The following PIP5K1B variants were observed in gnomAD, a reference collection of about 807,000 sequenced individuals.
The protein encoded by PIP5K1B is phosphatidylinositol-4-phosphate 5-kinase type 1 beta.
A neutral mutation model predicts 67.0 loss-of-function variants in PIP5K1B; 42 were observed. That is an observed-to-expected ratio of 0.63 (90% CI 0.49 to 0.81). PIP5K1B has a LOEUF of 0.81. Ranked by LOEUF, PIP5K1B falls within the 30% of genes least tolerant of loss-of-function variation. PIP5K1B has a pLI of 0.00. For synonymous variants in PIP5K1B, 214 were observed against 231.4 expected (o/e 0.92, Z 0.68); for missense variants, 459 against 646.3 (o/e 0.71, Z 3.14).
intron 4 of PIP5K1B, among the ~76,000 whole-genome samples, chr9:68,823,861 A>G (rs1009901041): frequency 1.3e-5 from 2 of 152,098 alleles, no homozygotes; most frequent in Non-Finnish European, 2.9e-5. Flanking sequence ...AGCATGATGT[A>G]TTTTCTATTC....
chr9:68,973,991 C>T (rs1444289779), intron 14 of PIP5K1B, among the ~76,000 whole-genome samples: 1 of 152,190 alleles, frequency 6.6e-6, no homozygotes, highest in Non-Finnish European at 1.5e-5. Flanking sequence ...GATCCTCCCA[C>T]CTCAGCTTCC....
At chr9:68,872,132 T>C (rs1823655598) in intron 5 of PIP5K1B, among the ~76,000 whole-genome samples, 1 of 152,222 alleles carries the variant, frequency 6.6e-6, no homozygotes, top group African/African-American at 2.4e-5. Flanking sequence ...AGTTCTGCCA[T>C]GGTGGAAGTT....
At chr9:69,002,026 G>A (rs985249912) in intron 15 of PIP5K1B, among the ~76,000 whole-genome samples, 1 of 152,190 alleles carries the variant, frequency 6.6e-6, no homozygotes, top group Non-Finnish European at 1.5e-5. Context: ...AGTGTCAGCT[G>A]CGTCTTGGGT....
chr9:68,781,943 C>G (rs11143706), intron 2 of PIP5K1B: 3,468 of 167,094 alleles, frequency 0.021, 124 homozygotes, highest in East Asian at 0.17. Flanking sequence ...AAACAATACT[C>G]TCTCAATTGT....
In PIP5K1B at chr9:68,705,564, G is replaced by C. The variant is rs1430704391; in HGVS notation, c.-441G>C. The C allele has an allele frequency of 3.3e-5, 5 of 151,338 alleles. No homozygotes were observed. In the East Asian group the frequency reaches 9.9e-4, roughly 30 times the overall value. 9.4% of individuals were successfully genotyped at this position (151,338 alleles called of 1,614,324 possible). ...GTTTGGCCCCGCGGCTCCAGCCCCGGCACCTGCCCGCCCTCAGCGTTGCCC... is the reference window on the plus strand; with the variant it reads ...GTTTGGCCCCGCGGCTCCAGCCCCGCCACCTGCCCGCCCTCAGCGTTGCCC... On this transcript the variant is annotated 5_prime_UTR_variant, in exon 1 of 16. Transcript: ENST00000265382.
chr9:68,756,460 A>T (rs757342068), intron 2 of PIP5K1B, among the ~76,000 whole-genome samples: 2 of 152,252 alleles, frequency 1.3e-5, no homozygotes, highest in African/African-American at 2.4e-5. Context: ...CTGTAAATTA[A>T]CAGCCTACCA....
intron 1 of PIP5K1B, among the ~76,000 whole-genome samples, chr9:68,741,920 G>T (rs1329074631): frequency 1.3e-5 from 2 of 152,178 alleles, no homozygotes; most frequent in African/African-American, 4.8e-5. Flanking sequence ...GGTTATCATG[G>T]CCCTACTCAT....
At chr9:68,780,690 C>G in intron 2 of PIP5K1B, 1 of 1,614,250 alleles carries the variant, frequency 6.2e-7, no homozygotes, top group Non-Finnish European at 8.5e-7. Context: ...AAGCCCTATT[C>G]CCAGCCCAAC....
intron 8 of PIP5K1B, among the ~76,000 whole-genome samples, chr9:68,895,691 G>A (rs1443635422): frequency 6.6e-6 from 1 of 151,284 alleles, no homozygotes; most frequent in Non-Finnish European, 1.5e-5. Flanking sequence ...GCACAAAAAT[G>A]TGTCCTTAGA....
chr9:68,984,625 G>T (rs922987430), intron 14 of PIP5K1B, among the ~76,000 whole-genome samples: 4 of 152,106 alleles, frequency 2.6e-5, no homozygotes, highest in Admixed American at 1.3e-4. Context: ...GGAAGCTTAA[G>T]TAGCATTATT....
intron 4 of PIP5K1B, among the ~76,000 whole-genome samples, chr9:68,849,832 T>C (rs921779139): frequency 5.3e-5 from 8 of 152,240 alleles, no homozygotes; most frequent in Admixed American, 5.2e-4. Context: ...TTTTTAACTT[T>C]TTCTCAATGA....
chr9:68,813,856 G>A (rs753487369), intron 2 of PIP5K1B, among the ~76,000 whole-genome samples: 41 of 152,150 alleles, frequency 2.7e-4, no homozygotes, highest in Non-Finnish European at 4.6e-4. Context: ...AGTCTCAGAG[G>A]GAGCATGGCC....
intron 14 of PIP5K1B, among the ~76,000 whole-genome samples, chr9:68,943,795 T>C (rs1393689775): frequency 6.6e-6 from 1 of 152,262 alleles, no homozygotes; most frequent in Non-Finnish European, 1.5e-5. Flanking sequence ...ATGTTATATG[T>C]ATCTGTGCTA....
intron 14 of PIP5K1B, among the ~76,000 whole-genome samples, chr9:68,954,323 G>A (rs189323187): frequency 6.6e-6 from 1 of 152,074 alleles, no homozygotes; most frequent in Non-Finnish European, 1.5e-5. Context: ...GTAGTGTAGA[G>A]GGTTGAGCGT....
chr9:68,715,324 G>A (rs1019266665), intron 1 of PIP5K1B, among the ~76,000 whole-genome samples: 3 of 152,082 alleles, frequency 2.0e-5, no homozygotes, highest in Non-Finnish European at 4.4e-5. Flanking sequence ...GTGGGTCATT[G>A]ACATGGTTCC....
intron 11 of PIP5K1B, among the ~76,000 whole-genome samples, chr9:68,921,383 T>C (rs1388585010): frequency 1.3e-5 from 2 of 151,866 alleles, no homozygotes; most frequent in Non-Finnish European, 2.9e-5. Context: ...GTCAATATGG[T>C]AGGTTAATTT....
chr9:68,884,831 G>A (rs1156247894), intron 6 of PIP5K1B, among the ~76,000 whole-genome samples: 1 of 152,218 alleles, frequency 6.6e-6, no homozygotes, highest in East Asian at 1.9e-4. Flanking sequence ...AGGATGTGGA[G>A]CAAAGGGAAC....
intron 14 of PIP5K1B, among the ~76,000 whole-genome samples, chr9:68,986,392 T>C (rs1227904727): frequency 6.6e-6 from 1 of 152,252 alleles, no homozygotes; most frequent in Non-Finnish European, 1.5e-5. Context: ...ATGTCTTCTT[T>C]GGAGAACTCT....
intron 2 of PIP5K1B, among the ~76,000 whole-genome samples, chr9:68,756,981 T>C (rs1045932505): frequency 1.3e-5 from 2 of 152,166 alleles, no homozygotes; most frequent in Non-Finnish European, 2.9e-5. Context: ...CAGTGTATAT[T>C]TTATACTTAT....
Sources: allele counts gnomAD v4.1 joint callset (sites outside exome capture counted in the v4.1 genomes callset), GRCh38; gene constraint gnomAD v4.1.1; transcripts MANE v1.5; gene names NCBI Gene and HGNC (gene_info 2026-07-23, HGNC 2026-07-21).